WDR97: variants seen among roughly 807,000 people sequenced by gnomAD.
WDR97 encodes WD repeat-containing protein 97.
A neutral mutation model predicts 65.4 loss-of-function variants in WDR97; 111 were observed. The ratio of observed to expected loss-of-function variants is 1.70; its 90% CI spans 1.45 to 1.99. The LOEUF (loss-of-function observed/expected upper bound fraction) is 1.99. WDR97 is among the 30% of genes most tolerant of loss of function. The pLI, the probability that WDR97 is intolerant of heterozygous loss-of-function variation, is 0.00. For synonymous variants in WDR97, 802 were observed against 397.7 expected (o/e 2.02, Z -12.10); for missense variants, 1,674 against 865.0 (o/e 1.94, Z -11.73).
chr8:144,109,438 G>A lies in WDR97; in HGVS notation c.1104G>A (p.Val368=), dbSNP rs1355110219. 1.4e-6 allele frequency: 1 copy of A among 701,804 alleles called. No homozygotes were observed. Among genetic ancestry groups the A allele is most frequent in the Middle Eastern group, 2.4e-4 (1 of 4,214 alleles). 43.5% of individuals were successfully genotyped at this position (701,804 alleles called of 1,614,324 possible). ...RTWDLQAAAQ[V]GEVALGFWGQ... is the part of the protein sequence containing the mutation. ...GGGACCTGCAGGCGGCGGCGCAGGT[G>A]GGCGAGGTAGCGCTGGGCTTCTGGG... The change falls in exon 5 of 24, where the codon GTG becomes GTA. Residue 368 remains valine, a synonymous_variant. Transcript: ENST00000323662.
Position 144,114,470 on chromosome 8 carries a change from C to T in WDR97, c.3787C>T (p.Leu1263Phe). ...HLLNLDQPPS[L>F]QDQTQKKFVI... ...GCTCAACCTGGACCAGCCCCCCAGC[C>T]TCCAGGTGTGCCCCTTGTCCTGCCC... Residue 1263 changes from leucine to phenylalanine, a missense_variant, in exon 19 of 24, where the codon CTC becomes TTC. Physicochemically the swap from Leu to Phe is conservative, Grantham distance 22 (BLOSUM62 0). Transcript: ENST00000323662. The T allele has an allele frequency of 1.4e-6, 1 of 702,666 alleles. No individual in the cohort carries two copies. Among genetic ancestry groups the T allele is most frequent in the South Asian group, 1.5e-5 (1 of 67,596 alleles). 43.5% of individuals were successfully genotyped at this position (702,666 alleles called of 1,614,324 possible).
intron 8 of WDR97, 59 bp from the exon 9 acceptor site, chr8:144,110,805 G>A: frequency 2.8e-6 from 2 of 702,554 alleles, no homozygotes; most frequent in South Asian, 1.5e-5. Context: ...CCACTGGCTG[G>A]ACTGAGTGGA....
chr8:144,115,979 G>T lies in WDR97; in HGVS notation c.4632G>T (p.Pro1544=), dbSNP rs183703455. The T allele has an allele frequency of 1.6e-3, 1,120 of 700,828 alleles. 28 individuals are homozygous for T. In the East Asian group the frequency reaches 0.028, roughly 17 times the overall value. The allele number at this position is 700,828 out of a possible 1,614,324, so 43.4% of individuals were successfully genotyped here. A position where few individuals can be genotyped will look rare whatever the true frequency, so the allele number is the denominator to read the frequency against. The change falls in exon 23 of 24, where the codon CCG becomes CCT. Residue 1544 remains proline, a synonymous_variant. Coordinates refer to ENST00000323662, the MANE Select transcript of WDR97 (RefSeq NM_001316309.2). ...HPILRLQEAK[P]QRSARSAMRL... Reference sequence around the variant, plus strand: ...TCCTCCGGCTGCAGGAGGCCAAGCCGCAGAGGTCCGCGAGGTCCGCGATGA... The same window carrying T: ...TCCTCCGGCTGCAGGAGGCCAAGCCTCAGAGGTCCGCGAGGTCCGCGATGA...
chr8:144,115,210 C>T (rs1256247533), intron 21 of WDR97, 131 bp from the exon 22 acceptor site: 13 of 563,874 alleles, frequency 2.3e-5, no homozygotes, highest in South Asian at 7.2e-5. Context: ...TGTGGATGCT[C>T]GAGGAGCCAG....
Position 144,114,098 on chromosome 8 carries a change from A to G in WDR97, c.3530A>G (p.Lys1177Arg), listed in dbSNP as rs191116319. Residue 1177 changes from lysine (K) to arginine (R), a missense_variant, in exon 18 of 24, where the codon AAG becomes AGG. Transcript: ENST00000323662. Reference protein sequence around the residue: ...LLDEHYGHLPKFLHFFIYQTW... With the variant: ...LLDEHYGHLPRFLHFFIYQTW... Reference sequence around the variant, plus strand: ...GATGAGCATTACGGGCATCTGCCCAAGTTTCTGCATTTCTTCATCTACCAG... The same window carrying G: ...GATGAGCATTACGGGCATCTGCCCAGGTTTCTGCATTTCTTCATCTACCAG... 1 of 702,856 alleles carries G rather than the reference A, an allele frequency of 1.4e-6. No individual in the cohort carries two copies. Among genetic ancestry groups the G allele is most frequent in the East Asian group, 2.7e-5 (1 of 37,288 alleles). The allele number at this position is 702,856 out of a possible 1,614,324, so 43.5% of individuals were successfully genotyped here. A position where few individuals can be genotyped will look rare whatever the true frequency, so the allele number is the denominator to read the frequency against.
rs759795601 is a variant in WDR97 at position 144,111,416 on chromosome 8, C to G, written c.2427-10C>G. The G allele has an allele frequency of 3.4e-5, 24 of 702,692 alleles. No homozygotes were observed. Among genetic ancestry groups the G allele is most frequent in the Non-Finnish European group, 6.2e-5 (24 of 384,988 alleles). 43.5% of individuals were successfully genotyped at this position (702,692 alleles called of 1,614,324 possible). On this transcript the variant is annotated splice_polypyrimidine_tract_variant and intron_variant, in intron 10 of 23. Transcript: ENST00000323662. ...CCCAGCATCCCACCTGTGCCTGTCC[C>G]TGTTTGCAGCGAGGCCTTGTCTCTC...
In WDR97 at chr8:144,116,844, T is replaced by G. The variant is rs925457641; in HGVS notation, c.*551T>G. The G allele has an allele frequency of 6.6e-6, 1 of 152,328 alleles. No homozygotes were observed. The highest frequency in any genetic ancestry group is 2.4e-5 in the African/African-American group (1 of 41,474). 9.4% of individuals were successfully genotyped at this position (152,328 alleles called of 1,614,324 possible). A position where few individuals can be genotyped will look rare whatever the true frequency, so the allele number is the denominator to read the frequency against. ...GCAACGCAGAGCATCCTCTGACCCC[T>G]TTAGCCTGAAAGTCCCTAGGGGAGG... On this transcript the variant is annotated 3_prime_UTR_variant, in exon 24 of 24. Coordinates refer to ENST00000323662, the MANE Select transcript of WDR97 (RefSeq NM_001316309.2).
Position 144,110,041 on chromosome 8 carries a change from G to A in WDR97, c.1700+7G>A. The stretch of plus-strand genomic sequence containing the variant: ...CCTGGAAGAACAAGAACCGGTGGGT[G>A]CGGGAGCCGGCGAGGGTCTGGCGGG... On this transcript the variant is annotated splice_region_variant and intron_variant, in intron 5 of 23. Coordinates refer to ENST00000323662, the MANE Select transcript of WDR97 (RefSeq NM_001316309.2). The A allele has an allele frequency of 1.4e-6, 1 of 696,520 alleles. No homozygotes were observed. The highest frequency in any genetic ancestry group is 2.6e-6 in the Non-Finnish European group (1 of 380,672). 43.1% of individuals were successfully genotyped at this position (696,520 alleles called of 1,614,324 possible).
At position 144,109,853 on chromosome 8, in the gene WDR97, C is replaced by CCCATGAGCGTGCTGCA. The variant is rs1564320446; in HGVS notation, c.1522_1537dup (p.Arg513HisfsTer153). ...GGTCCGCGCCAACGCGGCGCGCTGCCCCATGAGCGTGCTGCACCGCGTGTG... is the reference window on the plus strand; with the variant it reads ...GGTCCGCGCCAACGCGGCGCGCTGCCCCATGAGCGTGCTGCACCATGAGCGTGCTGCACCGCGTGTG... On this transcript the variant is annotated frameshift_variant, in exon 5 of 24. Transcript: ENST00000323662. LOFTEE classifies it high-confidence loss of function. 2.9e-6 allele frequency: 2 copies of CCCATGAGCGTGCTGCA among 698,400 alleles called. No homozygotes were observed. Among genetic ancestry groups the CCCATGAGCGTGCTGCA allele is most frequent in the Non-Finnish European group, 5.2e-6 (2 of 382,610 alleles). 43.3% of individuals were successfully genotyped at this position (698,400 alleles called of 1,614,324 possible).
chr8:144,111,575 G>A (rs1186761938), intron 11 of WDR97, 57 bp from the exon 12 acceptor site: 10 of 681,940 alleles, frequency 1.5e-5, no homozygotes, highest in African/African-American at 1.1e-4. Context: ...ATGGTTGCCC[G>A]GGCAGCACAT....
Position 144,110,096 on chromosome 8 carries a change from G to T in WDR97, c.1701-18G>T. The T allele has an allele frequency of 1.4e-6, 1 of 701,582 alleles. No individual in the cohort carries two copies. Among genetic ancestry groups the T allele is most frequent in the East Asian group, 2.7e-5 (1 of 37,254 alleles). 43.5% of individuals were successfully genotyped at this position (701,582 alleles called of 1,614,324 possible). ...AGGAGCGGCAGGGTCCGCGCCAACAGGCTCTTCCCACTCGCAGGTACCTGC... is the reference window on the plus strand; with the variant it reads ...AGGAGCGGCAGGGTCCGCGCCAACATGCTCTTCCCACTCGCAGGTACCTGC... On this transcript the variant is annotated intron_variant, in intron 5 of 23. Transcript: ENST00000323662.
chr8:144,114,585 C>T lies in WDR97; in HGVS notation c.3824C>T (p.Ala1275Val), dbSNP rs1468552400. 21 of 702,778 alleles carry T rather than the reference C, an allele frequency of 3.0e-5. No homozygotes were observed. Among genetic ancestry groups the T allele is most frequent in the South Asian group, 8.9e-5 (6 of 67,608 alleles). The allele number at this position is 702,778 out of a possible 1,614,324, so 43.5% of individuals were successfully genotyped here. Residue 1275 changes from alanine (A) to valine (V), a missense_variant, in exon 20 of 24, where the codon GCG becomes GTG. Ala to Val is a moderately conservative substitution (Grantham distance 64). Transcript: ENST00000323662. ...ACACAGAAGAAGTTCGTGATACTGG[C>T]GCTGCAGCTGCTCCTGGCCTGCTCC... ...DQTQKKFVILALQLLLACSLE... is the reference protein window; with the variant it reads ...DQTQKKFVILVLQLLLACSLE...
chr8:144,108,444 C>T lies in WDR97; in HGVS notation c.378C>T (p.Asp126=), dbSNP rs1171333844. 2.9e-6 allele frequency: 2 copies of T among 699,596 alleles called. No individual in the cohort carries two copies. Among genetic ancestry groups the T allele is most frequent in the Admixed American group, 2.0e-5 (1 of 49,790 alleles). The allele number at this position is 699,596 out of a possible 1,614,324, so 43.3% of individuals were successfully genotyped here. ...DPVGGRFVVL[D]GAGRLHLHKE... is the part of the protein sequence containing the mutation. ...TGGGTGGACGCTTCGTGGTGCTGGA[C>T]GGCGCGGGCCGCCTGCACCTGCACA... Residue 126 remains aspartate (D), a synonymous_variant, in exon 3 of 24, where the codon GAC becomes GAT. Coordinates refer to ENST00000323662, the MANE Select transcript of WDR97 (RefSeq NM_001316309.2).
intron 7 of WDR97, 33 bp from the exon 8 acceptor site, chr8:144,110,616 G>A: frequency 1.4e-6 from 1 of 702,774 alleles, no homozygotes; most frequent in Non-Finnish European, 2.6e-6. Flanking sequence ...CCACCGCCCA[G>A]CTCCGGTTCC....
Position 144,118,303 on chromosome 8 carries a change from G to C in WDR97, c.*2010G>C, listed in dbSNP as rs1204664454. ...TGCACTACAGCCTCGGCAATAGAGC[G>C]AGACTCTGTGTCAAAAAAAAAAAAA... On this transcript the variant is annotated 3_prime_UTR_variant, in exon 24 of 24. Transcript: ENST00000323662. 6.7e-6 allele frequency: 1 copy of C among 149,520 alleles called. No individual in the cohort carries two copies. The highest frequency in any genetic ancestry group is 2.5e-5 in the African/African-American group (1 of 40,000). The allele number at this position is 149,520 out of a possible 1,614,324, so 9.3% of individuals were successfully genotyped here.
At position 144,110,911 on chromosome 8, in the gene WDR97, A is replaced by G. The variant is rs1836533999; in HGVS notation, c.2219A>G (p.Asn740Ser). 2.8e-6 allele frequency: 2 copies of G among 702,682 alleles called. No homozygotes were observed. Among genetic ancestry groups the G allele is most frequent in the Non-Finnish European group, 5.2e-6 (2 of 384,948 alleles). 43.5% of individuals were successfully genotyped at this position (702,682 alleles called of 1,614,324 possible). ...GAPQALAFCS[N>S]SGDLVLALGS... is the part of the protein sequence containing the mutation. Reference sequence around the variant, plus strand: ...CCTCAGGCCCTGGCTTTCTGCAGCAACAGTGGAGACCTGGTGCTGGCGCTG... The same window carrying G: ...CCTCAGGCCCTGGCTTTCTGCAGCAGCAGTGGAGACCTGGTGCTGGCGCTG... The change falls in exon 9 of 24, where the codon AAC becomes AGC. Residue 740 changes from asparagine to serine, a missense_variant. Asn to Ser is a conservative substitution (Grantham distance 46). Coordinates refer to ENST00000323662, the MANE Select transcript of WDR97 (RefSeq NM_001316309.2).
rs1564323859 is a variant in WDR97 at position 144,115,597 on chromosome 8, T to C, written c.4334T>C (p.Phe1445Ser). Residue 1445 changes from phenylalanine (F) to serine (S), a missense_variant, in exon 22 of 24, where the codon TTC (phenylalanine) becomes TCC (serine). Physicochemically the swap from Phe to Ser is radical, Grantham distance 155 (BLOSUM62 -2). Transcript: ENST00000323662. Reference protein sequence around the residue: ...LRVLSETLKSFCLEPEARLHP... With the variant: ...LRVLSETLKSSCLEPEARLHP... Reference sequence around the variant, plus strand: ...GTGCTCTCCGAGACGCTGAAGAGCTTCTGCCTGGAGCCCGAGGCCCGCCTG... The same window carrying C: ...GTGCTCTCCGAGACGCTGAAGAGCTCCTGCCTGGAGCCCGAGGCCCGCCTG... The C allele has an allele frequency of 1.5e-6, 1 of 687,398 alleles. No homozygotes were observed. The highest frequency in any genetic ancestry group is 2.7e-6 in the Non-Finnish European group (1 of 375,200). 42.6% of individuals were successfully genotyped at this position (687,398 alleles called of 1,614,324 possible).
rs981568424 is a variant in WDR97, at chr8:144,115,778, G to C, written c.4515G>C (p.Lys1505Asn). The C allele has an allele frequency of 8.1e-5, 56 of 695,236 alleles. No homozygotes were observed. In the African/African-American group the frequency reaches 8.6e-4, roughly 11 times the overall value. 43.1% of individuals were successfully genotyped at this position (695,236 alleles called of 1,614,324 possible). A position where few individuals can be genotyped will look rare whatever the true frequency, so the allele number is the denominator to read the frequency against. Residue 1505 changes from lysine (K) to asparagine (N), a missense_variant, in exon 22 of 24, where the codon AAG (lysine) becomes AAC (asparagine). Transcript: ENST00000323662. ...AGCAGCGGAGTTCGCTCCAGGAGAAGGCTGCGCACCCACACCCGCCAGAGC... is the reference window on the plus strand; with the variant it reads ...AGCAGCGGAGTTCGCTCCAGGAGAACGCTGCGCACCCACACCCGCCAGAGC... ...RAQQRSSLQE[K>N]AAHPHPPEPY...
chr8:144,107,880 C>A lies in WDR97; in HGVS notation c.112+18C>A, dbSNP rs114940831. 2.3e-3 allele frequency: 1,582 copies of A among 702,822 alleles called. 14 individuals are homozygous for A. In the African/African-American group the frequency reaches 0.024, roughly 11 times the overall value. 43.5% of individuals were successfully genotyped at this position (702,822 alleles called of 1,614,324 possible). A position where few individuals can be genotyped will look rare whatever the true frequency, so the allele number is the denominator to read the frequency against. On this transcript the variant is annotated intron_variant, in intron 1 of 23. Coordinates refer to ENST00000323662, the MANE Select transcript of WDR97 (RefSeq NM_001316309.2). ...AAAGAATGGTGAGGGGGCCTGGCCT[C>A]GCCCTCCGGGCATCCCGCTAGGAAG... is the stretch of plus-strand genomic sequence containing the variant.
Sources: gnomAD v4.1 joint callset for allele counts on GRCh38, gnomAD v4.1.1 for gene constraint, MANE v1.5 for transcripts, NCBI Gene and HGNC (gene_info 2026-07-23, HGNC 2026-07-21) for gene names.